Variants in DISC1 observed in about 807,000 individuals in gnomAD.
DISC1 encodes the protein disrupted in schizophrenia 1 protein.
Under a neutral mutation model 84.5 loss-of-function variants are expected in DISC1, and 57 were observed. That is an observed-to-expected ratio of 0.67 (90% confidence interval 0.55 to 0.84). The LOEUF (loss-of-function observed/expected upper bound fraction) is 0.84. Among genes scored for constraint, DISC1 ranks in the 40% least tolerant of loss-of-function variants. DISC1 has a pLI of 0.00. For synonymous variants in DISC1, 411 were observed against 415.2 expected, an observed-to-expected ratio of 0.99 and a Z score of 0.12; for missense variants, 1,000 against 1,057.8, an observed-to-expected ratio of 0.95 and a Z score of 0.76.
At chr1:231,785,099 A>T (rs1219260451) in intron 6 of DISC1, among the ~76,000 whole-genome samples, 3 of 152,094 alleles carry the variant, frequency 2.0e-5, no homozygotes, top group African/African-American at 7.2e-5. Context: ...AAAAAGGCCA[A>T]GTAGATAAAC....
chr1:232,019,191 G>A (rs1668733233), intron 11 of DISC1, among the ~76,000 whole-genome samples: 1 of 152,132 alleles, frequency 6.6e-6, no homozygotes, highest in African/African-American at 2.4e-5. Context: ...TTGGAGATTC[G>A]GGATTGAAGC....
chr1:232,036,665 G>A lies in DISC1; in HGVS notation c.2426-27G>A, dbSNP rs73086715. 417 of 1,538,858 alleles carry A rather than the reference G, an allele frequency of 2.7e-4. No individual in the cohort carries two copies. In the African/African-American group the frequency reaches 3.3e-3, roughly 12 times the overall value. Reference sequence around the variant, plus strand: ...GCCGCAGAGGGCCACGATCACCTTCGAATGTGCTCCTTAACAATGTGCCCA... The same window carrying A: ...GCCGCAGAGGGCCACGATCACCTTCAAATGTGCTCCTTAACAATGTGCCCA... On this transcript the variant is annotated intron_variant, in intron 12 of 12. Transcript: ENST00000439617.
Position 231,920,682 on chromosome 1 carries a change from G to C in DISC1, c.1982-38146G>C, listed in dbSNP as rs921848449. ...CCGTTCATCCATAGATGGACATTTG[G>C]GTTGCTTCCCGCATTTGGCTATTGT... On this transcript the variant is annotated intron_variant, in intron 9 of 12. Coordinates refer to ENST00000439617, the MANE Select transcript of DISC1 (RefSeq NM_018662.3). Among the ~76,000 whole-genome samples the C allele has an allele frequency of 8.8e-4, 134 of 152,232 alleles. 1 individual carries two copies. Among genetic ancestry groups the C allele is most frequent in the African/African-American group, 3.0e-3 (126 of 41,536 alleles).
At chr1:232,030,586 G>T (rs9699636) in intron 12 of DISC1, among the ~76,000 whole-genome samples, 1 of 151,964 alleles carries the variant, frequency 6.6e-6, no homozygotes, top group African/African-American at 2.4e-5. Context: ...TTTAGTTTTG[G>T]TGGTGCTTGA....
chr1:231,707,016 T>G (rs1419693932), intron 3 of DISC1, among the ~76,000 whole-genome samples: 1 of 152,204 alleles, frequency 6.6e-6, no homozygotes, highest in Admixed American at 6.5e-5. Context: ...TTGATGTGAC[T>G]GAACACAGCA....
intron 10 of DISC1, among the ~76,000 whole-genome samples, chr1:231,967,241 G>T (rs1421361853): frequency 6.6e-6 from 1 of 152,226 alleles, no homozygotes; most frequent in African/African-American, 2.4e-5. Flanking sequence ...CAGAGCCTGT[G>T]TGTCATGGCC....
chr1:231,878,278 T>C (rs1190183986), intron 9 of DISC1, among the ~76,000 whole-genome samples: 1 of 151,986 alleles, frequency 6.6e-6, no homozygotes, highest in Non-Finnish European at 1.5e-5. Context: ...TGAAGGAAGG[T>C]ACAAGAGTGT....
chr1:231,744,299 G>T (rs1002526710), intron 3 of DISC1, among the ~76,000 whole-genome samples: 1 of 152,134 alleles, frequency 6.6e-6, no homozygotes, highest in Non-Finnish European at 1.5e-5. Flanking sequence ...GGGTGAAGAG[G>T]ATCAAGGTCT....
Position 231,626,917 on chromosome 1 carries a change from G to A in DISC1, c.50G>A (p.Gly17Asp). ...QGAPAAAGGG[G>D]VSHRAGSRDC... ...GCCCCAGCCGCCGCCGGCGGCGGCG[G>A]CGTGAGCCACCGCGCAGGTAGGGGA... The change falls in exon 1 of 13, where the codon GGC (glycine) becomes GAC (aspartate). Residue 17 changes from glycine to aspartate, a missense_variant. Around this residue, in one of 3 missense-constraint regions of DISC1, gnomAD observed 292 missense variants for 280.2 expected, o/e 1.04. Transcript: ENST00000439617. 1 of 1,504,088 alleles carries A rather than the reference G, an allele frequency of 6.6e-7. No homozygotes were observed. 93.2% of individuals were successfully genotyped at this position (1,504,088 alleles called of 1,614,324 possible). A position where few individuals can be genotyped will look rare whatever the true frequency, so the allele number is the denominator to read the frequency against.
chr1:231,919,585 T>C (rs1572058521), intron 9 of DISC1, among the ~76,000 whole-genome samples: 2 of 152,206 alleles, frequency 1.3e-5, no homozygotes, highest in African/African-American at 4.8e-5. Context: ...ATTTTATTTT[T>C]GTGGCTATAG....
intron 11 of DISC1, among the ~76,000 whole-genome samples, chr1:232,022,768 G>T (rs1222368117): frequency 6.6e-6 from 1 of 152,148 alleles, no homozygotes; most frequent in Non-Finnish European, 1.5e-5. Context: ...AAGATTCCAA[G>T]TGAGAGCATT....
chr1:231,962,006 A>G (rs1660453346), intron 10 of DISC1, among the ~76,000 whole-genome samples: 1 of 152,218 alleles, frequency 6.6e-6, no homozygotes, highest in Non-Finnish European at 1.5e-5. Flanking sequence ...ACAATGTATA[A>G]GTGTTCCCTT....
intron 9 of DISC1, among the ~76,000 whole-genome samples, chr1:231,952,544 C>CA (rs1658620451): frequency 6.6e-6 from 1 of 151,978 alleles, no homozygotes; most frequent in African/African-American, 2.4e-5. Flanking sequence ...ACATGCAAAT[C>CA]AAAATCTTTT....
chr1:231,886,615 C>G (rs201381712), intron 9 of DISC1, among the ~76,000 whole-genome samples: 9 of 152,094 alleles, frequency 5.9e-5, no homozygotes, highest in Non-Finnish European at 1.2e-4. Flanking sequence ...TACTTTGTCC[C>G]TTGGTGGTAA....
At chr1:231,927,258 A>T (rs924020357) in intron 9 of DISC1, among the ~76,000 whole-genome samples, 1 of 152,180 alleles carries the variant, frequency 6.6e-6, no homozygotes, top group Non-Finnish European at 1.5e-5. Flanking sequence ...CAAGCCTAAC[A>T]CCAATCCTGA....
chr1:231,988,839 G>A (rs1052406160), intron 10 of DISC1, among the ~76,000 whole-genome samples: 5 of 152,148 alleles, frequency 3.3e-5, no homozygotes, highest in East Asian at 1.9e-4. Flanking sequence ...TGCAAGTTCC[G>A]TGGACTTCAA....
At chr1:231,968,562 A>C in intron 10 of DISC1, among the ~76,000 whole-genome samples, 1 of 148,892 alleles carries the variant, frequency 6.7e-6, no homozygotes, top group Non-Finnish European at 1.5e-5. Flanking sequence ...ACTGCACTCC[A>C]GCCTGGGCGA....
At chr1:231,832,670 G>A (rs111877930) in intron 9 of DISC1, among the ~76,000 whole-genome samples, 41,262 of 134,400 alleles carry the variant, frequency 0.31, 7,039 homozygotes, top group African/African-American at 0.4. Flanking sequence ...GGTGCAAAGG[G>A]ATAGTAAAGA....
intron 10 of DISC1, among the ~76,000 whole-genome samples, chr1:231,984,523 G>A (rs752701921): frequency 2.5e-4 from 38 of 152,084 alleles, no homozygotes; most frequent in Non-Finnish European, 4.9e-4. Context: ...GGTACAAAAC[G>A]AAACATGGAA....
Sources: allele counts gnomAD v4.1 joint callset (sites outside exome capture counted in the v4.1 genomes callset), GRCh38; gene constraint gnomAD v4.1.1; regional missense constraint gnomAD v4.1.1; transcripts MANE v1.5; gene names NCBI Gene and HGNC (gene_info 2026-07-23, HGNC 2026-07-21).